The following CTNNA3 variants were observed in gnomAD, a reference collection of about 807,000 sequenced individuals.
CTNNA3 encodes catenin alpha 3, also known as catenin alpha-3.
CTNNA3 carries 76 observed loss-of-function variants against 95.7 expected under a neutral mutation model. That is an observed-to-expected ratio of 0.79 (90% confidence interval 0.66 to 0.96). CTNNA3 has a LOEUF of 0.96. Among genes scored for constraint, CTNNA3 ranks in the 40% least tolerant of loss-of-function variants. The pLI is 0.00. For synonymous variants in CTNNA3, 431 were observed against 374.4 expected (o/e 1.15, Z -1.74); for missense variants, 1,191 against 1,089.8 (o/e 1.09, Z -1.31).
chr10:66,389,269 G>A (rs1279317287), intron 11 of CTNNA3, among the ~76,000 whole-genome samples: 2 of 151,994 alleles, frequency 1.3e-5, no homozygotes, highest in East Asian at 3.9e-4. Flanking sequence ...TTTTTAAAAT[G>A]AGGTTAAAAG....
At chr10:66,397,723 A>G (rs1029822972) in intron 11 of CTNNA3, among the ~76,000 whole-genome samples, 1 of 151,848 alleles carries the variant, frequency 6.6e-6, no homozygotes, top group East Asian at 1.9e-4. Context: ...CATAATGTAC[A>G]TGGGTAAACA....
At chr10:66,050,805 A>T (rs1306343200) in intron 15 of CTNNA3, among the ~76,000 whole-genome samples, 1 of 151,788 alleles carries the variant, frequency 6.6e-6, no homozygotes, top group Non-Finnish European at 1.5e-5. Context: ...TGAATTCTTC[A>T]TTAATCCACA....
At chr10:66,353,730 G>GA (rs1169340211) in intron 12 of CTNNA3, among the ~76,000 whole-genome samples, 9 of 150,680 alleles carry the variant, frequency 6.0e-5, no homozygotes, top group Non-Finnish European at 8.9e-5. Flanking sequence ...AGTTGATGTA[G>GA]AAAAAAAAAT....
intron 15 of CTNNA3, among the ~76,000 whole-genome samples, chr10:66,040,790 C>A (rs2079670565): frequency 6.6e-6 from 1 of 151,928 alleles, no homozygotes; most frequent in African/African-American, 2.4e-5. Flanking sequence ...GGCTTAGTAC[C>A]TGGGTGACAA....
chr10:67,163,745 C>T (rs773409214), intron 7 of CTNNA3, among the ~76,000 whole-genome samples: 23 of 151,832 alleles, frequency 1.5e-4, no homozygotes, highest in Non-Finnish European at 1.5e-4. Flanking sequence ...TCCACCAAAA[C>T]GACAATAATA....
intron 9 of CTNNA3, among the ~76,000 whole-genome samples, chr10:66,740,289 C>T (rs1001928392): frequency 6.6e-6 from 1 of 152,154 alleles, no homozygotes; most frequent in Admixed American, 6.5e-5. Context: ...ATTGTAAGAA[C>T]AGTTTCTGAA....
intron 5 of CTNNA3, among the ~76,000 whole-genome samples, chr10:67,476,254 C>T (rs989518025): frequency 6.6e-6 from 1 of 152,088 alleles, no homozygotes; most frequent in Non-Finnish European, 1.5e-5. Context: ...CGTGGTACTG[C>T]TCCATGCCCA....
chr10:67,421,729 A>G (rs1478996191), intron 5 of CTNNA3, among the ~76,000 whole-genome samples: 1 of 152,186 alleles, frequency 6.6e-6, no homozygotes, highest in Non-Finnish European at 1.5e-5. Flanking sequence ...GATTAATAAG[A>G]CTTTTCTGAT....
chr10:65,973,490 A>T (rs1326448089), intron 16 of CTNNA3, among the ~76,000 whole-genome samples: 1 of 152,278 alleles, frequency 6.6e-6, no homozygotes, highest in East Asian at 1.9e-4. Context: ...GAACTTAAAC[A>T]ACTGAGCAAG....
chr10:67,471,289 G>A (rs1305500078), intron 5 of CTNNA3, among the ~76,000 whole-genome samples: 1 of 152,174 alleles, frequency 6.6e-6, no homozygotes, highest in African/African-American at 2.4e-5. Context: ...ATTGCCAAAT[G>A]TCCCCTCTAG....
At chr10:67,691,881 G>C (rs1840865302) in intron 1 of CTNNA3, among the ~76,000 whole-genome samples, 1 of 150,262 alleles carries the variant, frequency 6.7e-6, no homozygotes, top group Non-Finnish European at 1.5e-5. Flanking sequence ...CCGTCCGGGA[G>C]GGAGGTGGGG....
At chr10:67,657,847 C>CAAAAAAAAAAAAAAAAAAAAA (rs200763142) in intron 1 of CTNNA3, among the ~76,000 whole-genome samples, 1 of 40,420 alleles carries the variant, frequency 2.5e-5, no homozygotes, top group Non-Finnish European at 6.1e-5. Context: ...AATTCCATCT[C>CAAAAAAAAAAAAAAAAAAAAA]AAAAAAAAAA....
chr10:67,082,151 G>C (rs1445594361), intron 7 of CTNNA3, among the ~76,000 whole-genome samples: 3 of 152,080 alleles, frequency 2.0e-5, no homozygotes, highest in Non-Finnish European at 2.9e-5. Context: ...TTAAAAAACA[G>C]AGAATTTTTA....
At chr10:66,980,480 C>T (rs74536502) in intron 7 of CTNNA3, among the ~76,000 whole-genome samples, 58 of 130,000 alleles carry the variant, frequency 4.5e-4, no homozygotes, top group Middle Eastern at 3.8e-3. Context: ...CAGAATTGAA[C>T]AGGAACCAAA....
At chr10:66,606,614 C>G (rs1020772970) in intron 10 of CTNNA3, among the ~76,000 whole-genome samples, 1 of 152,094 alleles carries the variant, frequency 6.6e-6, no homozygotes, top group African/African-American at 2.4e-5. Flanking sequence ...CTAAGAAATT[C>G]ACTCAAAACC....
intron 7 of CTNNA3, among the ~76,000 whole-genome samples, chr10:66,966,111 A>G (rs1377242342): frequency 6.6e-6 from 1 of 151,854 alleles, no homozygotes. Context: ...TGGGATAACA[A>G]TAGTTATTAT....
rs1451929256 is a variant in CTNNA3 at position 65,994,875 on chromosome 10, A to T, written c.2160-6078T>A. ...ATTATTTATTCTATTTTGCCTGACCAAGTTATTTAAAAAATCCTTTATTCC... is the reference window on the plus strand; with the variant it reads ...ATTATTTATTCTATTTTGCCTGACCTAGTTATTTAAAAAATCCTTTATTCC... On this transcript the variant is annotated intron_variant, in intron 15 of 17. Coordinates refer to ENST00000433211, the MANE Select transcript of CTNNA3 (RefSeq NM_013266.4). Among the ~76,000 whole-genome samples, 5 of 152,104 alleles carry T rather than the reference A, an allele frequency of 3.3e-5. No homozygotes were observed. The East Asian group carries it at 9.6e-4, about 29-fold the overall frequency.
At chr10:67,429,210 A>G (rs1846025483) in intron 5 of CTNNA3, among the ~76,000 whole-genome samples, 1 of 152,042 alleles carries the variant, frequency 6.6e-6, no homozygotes, top group African/African-American at 2.4e-5. Flanking sequence ...AAGCCCTAAA[A>G]TTATCAAAAT....
At chr10:66,909,602 A>G (rs887483107) in intron 7 of CTNNA3, among the ~76,000 whole-genome samples, 2 of 152,144 alleles carry the variant, frequency 1.3e-5, no homozygotes, top group African/African-American at 4.8e-5. Flanking sequence ...CCAACCAATT[A>G]CTCAGATTGG....
Sources: gnomAD v4.1 joint callset for allele counts (sites outside exome capture counted in the v4.1 genomes callset) on GRCh38, gnomAD v4.1.1 for gene constraint, MANE v1.5 for transcripts, NCBI Gene and HGNC (gene_info 2026-07-23, HGNC 2026-07-21) for gene names.